ALK: variants seen among roughly 807,000 people sequenced by gnomAD.
The protein encoded by ALK is ALK receptor tyrosine kinase.
In ALK, 74 loss-of-function variants were observed where a neutral mutation model predicts 163.1. That is an observed-to-expected ratio of 0.45 (90% CI 0.38 to 0.55). ALK has a LOEUF of 0.55. ALK is among the 20% of genes least tolerant of loss of function. The probability of loss-of-function intolerance (pLI) is 0.00; values close to 1 mark genes in which losing one functional copy is unlikely to be tolerated. For missense variants in ALK, 2,063 were observed against 2,105.3 expected (o/e 0.98, Z 0.39); for synonymous variants, 960 against 843.2 (o/e 1.14, Z -2.40).
In ALK at chr2:29,559,768, C is replaced by CGTGTGTGTGTGTGT. The variant is rs56285031; in HGVS notation, c.953-27666_953-27653dup. ...TGTGTGGGTCACAGGGGAGCATGTA[C>CGTGTGTGTGTGTGT]GTGTGTGTGTGTGTGTGTGTGTGTG... On this transcript the variant is annotated intron_variant, in intron 3 of 28. Coordinates refer to ENST00000389048, the MANE Select transcript of ALK (RefSeq NM_004304.5). Among the ~76,000 whole-genome samples the CGTGTGTGTGTGTGT allele has an allele frequency of 7.4e-3, 1,055 of 143,108 alleles. 10 individuals carry two copies. Among genetic ancestry groups the CGTGTGTGTGTGTGT allele is most frequent in the Middle Eastern group, 0.014 (4 of 288 alleles). The allele number at this position is 143,108 out of a possible 152,430, so 93.9% of individuals were successfully genotyped here. A position where few individuals can be genotyped will look rare whatever the true frequency, so the allele number is the denominator to read the frequency against.
rs562795938 is a variant in ALK, at chr2:29,327,194, G to A, written c.1414+1156C>T. On this transcript the variant is annotated intron_variant, in intron 6 of 28. Coordinates refer to ENST00000389048, the MANE Select transcript of ALK (RefSeq NM_004304.5). ...GGAGCACCAGCTGGGAGTCTACTCC[G>A]CCCCGACTGCCAGTGGGGCCTCGGC... Among the ~76,000 whole-genome samples, 8 of 152,292 alleles carry A rather than the reference G, an allele frequency of 5.3e-5. No individual in the cohort carries two copies. The South Asian group carries it at 8.3e-4, about 16-fold the overall frequency.
At chr2:29,586,055 C>T (rs1334388117) in intron 3 of ALK, among the ~76,000 whole-genome samples, 1 of 152,076 alleles carries the variant, frequency 6.6e-6, no homozygotes, top group Non-Finnish European at 1.5e-5. Flanking sequence ...ACCTCATTGG[C>T]ATTATTGTGT....
intron 3 of ALK, among the ~76,000 whole-genome samples, chr2:29,669,051 G>A (rs1677603963): frequency 6.6e-6 from 1 of 151,962 alleles, no homozygotes; most frequent in African/African-American, 2.4e-5. Context: ...TTTTGGTGGG[G>A]ACACAGCCAA....
intron 4 of ALK, among the ~76,000 whole-genome samples, chr2:29,474,245 C>A (rs1021216996): frequency 1.2e-4 from 18 of 152,112 alleles, no homozygotes; most frequent in African/African-American, 4.1e-4. Flanking sequence ...TTAATACTAT[C>A]AAATAAAGTT....
intron 11 of ALK, among the ~76,000 whole-genome samples, chr2:29,274,719 T>C (rs1471137339): frequency 6.6e-6 from 1 of 152,170 alleles, no homozygotes; most frequent in East Asian, 1.9e-4. Flanking sequence ...ACAGATAACC[T>C]TGGCCAGGCC....
At chr2:29,628,172 T>C (rs1391697810) in intron 3 of ALK, among the ~76,000 whole-genome samples, 1 of 152,244 alleles carries the variant, frequency 6.6e-6, no homozygotes, top group African/African-American at 2.4e-5. Context: ...TGATTTCAGA[T>C]ATGTTTGCTT....
intron 3 of ALK, among the ~76,000 whole-genome samples, chr2:29,571,071 G>C (rs1291599610): frequency 6.6e-6 from 1 of 152,122 alleles, no homozygotes; most frequent in Non-Finnish European, 1.5e-5. Flanking sequence ...AGAGCCCACA[G>C]TCCTGGAGGG....
intron 3 of ALK, among the ~76,000 whole-genome samples, chr2:29,534,761 C>T (rs968624740): frequency 1.3e-5 from 2 of 152,250 alleles, no homozygotes; most frequent in African/African-American, 2.4e-5. Context: ...TTCTGTGTCA[C>T]TGCTCCTCTC....
At chr2:29,682,444 T>G (rs952755638) in intron 3 of ALK, among the ~76,000 whole-genome samples, 3 of 152,174 alleles carry the variant, frequency 2.0e-5, no homozygotes, top group Non-Finnish European at 4.4e-5. Flanking sequence ...ATAATCTGTG[T>G]TTAGAGCTTG....
At chr2:29,629,406 A>C (rs1472200553) in intron 3 of ALK, among the ~76,000 whole-genome samples, 1 of 152,178 alleles carries the variant, frequency 6.6e-6, no homozygotes, top group African/African-American at 2.4e-5. Context: ...CAATGAACAG[A>C]CATACAATGG....
intron 5 of ALK, among the ~76,000 whole-genome samples, chr2:29,364,510 C>T (rs550772889): frequency 2.0e-5 from 3 of 152,202 alleles, no homozygotes; most frequent in Non-Finnish European, 4.4e-5. Flanking sequence ...GAAGGACACA[C>T]CATCCTTGAG....
chr2:29,355,718 A>G (rs553457946), intron 5 of ALK, among the ~76,000 whole-genome samples: 1 of 152,302 alleles, frequency 6.6e-6, no homozygotes, highest in South Asian at 2.1e-4. Flanking sequence ...TAGGTCAGGC[A>G]TTAAAACCTA....
chr2:29,307,820 T>C (rs1333322193), intron 8 of ALK, among the ~76,000 whole-genome samples: 1 of 152,190 alleles, frequency 6.6e-6, no homozygotes, highest in Non-Finnish European at 1.5e-5. Flanking sequence ...ATGCTTGCAA[T>C]TATGGAGGCT....
intron 28 of ALK, 97 bp from the exon 29 acceptor site, chr2:29,194,019 A>G (rs1003601667): frequency 8.3e-7 from 1 of 1,205,556 alleles, no homozygotes; most frequent in African/African-American, 1.5e-5. Context: ...CATATTCTAC[A>G]GATGAGGAAA....
intron 9 of ALK, among the ~76,000 whole-genome samples, chr2:29,278,941 C>T (rs1480267082): frequency 6.6e-6 from 1 of 151,662 alleles, no homozygotes; most frequent in East Asian, 2.0e-4. Flanking sequence ...TTCCAGGAGG[C>T]CAGAGGGGCT....
At chr2:29,237,167 C>A (rs1558632247) in intron 13 of ALK, among the ~76,000 whole-genome samples, 1 of 152,160 alleles carries the variant, frequency 6.6e-6, no homozygotes, top group Non-Finnish European at 1.5e-5. Context: ...AGAATTCAAC[C>A]ACTTTTCATC....
At chr2:29,574,309 G>C (rs1351103374) in intron 3 of ALK, among the ~76,000 whole-genome samples, 1 of 152,202 alleles carries the variant, frequency 6.6e-6, no homozygotes, top group African/African-American at 2.4e-5. Context: ...CCACCTTCCA[G>C]GACGGCGAGG....
intron 4 of ALK, among the ~76,000 whole-genome samples, chr2:29,416,331 G>C (rs1461900649): frequency 6.6e-6 from 1 of 152,202 alleles, no homozygotes; most frequent in East Asian, 1.9e-4. Context: ...TGGGGAACAA[G>C]ATTAGGGAAA....
intron 12 of ALK, among the ~76,000 whole-genome samples, chr2:29,243,108 A>G (rs1664566315): frequency 6.6e-6 from 1 of 152,190 alleles, no homozygotes; most frequent in Non-Finnish European, 1.5e-5. Context: ...CACAGGTAGA[A>G]AAGCAAGGGC....
Sources: allele counts gnomAD v4.1 joint callset (sites outside exome capture counted in the v4.1 genomes callset), GRCh38; gene constraint gnomAD v4.1.1; transcripts MANE v1.5; gene names NCBI Gene and HGNC (gene_info 2026-07-23, HGNC 2026-07-21).